Variants in RAB3GAP1 observed in about 807,000 individuals in gnomAD.
The protein encoded by RAB3GAP1 is RAB3 GTPase activating protein catalytic subunit 1, also known as rab3 GTPase-activating protein catalytic subunit.
A neutral mutation model predicts 130.7 loss-of-function variants in RAB3GAP1; 86 were observed. The observed-to-expected ratio is 0.66, with a 90% CI of 0.55 to 0.79. The LOEUF is 0.79. Ranked by LOEUF, RAB3GAP1 falls within the 30% of genes least tolerant of loss-of-function variation. The pLI is 0.00. For synonymous variants in RAB3GAP1, 367 were observed against 401.7 expected (o/e 0.91, Z 1.03); for missense variants, 1,029 against 1,169.4 (o/e 0.88, Z 1.75).
At chr2:135,061,754 T>C (rs1689176146) in intron 3 of RAB3GAP1, among the ~76,000 whole-genome samples, 1 of 152,172 alleles carries the variant, frequency 6.6e-6, no homozygotes, top group Non-Finnish European at 1.5e-5. Flanking sequence ...TTTTAATGCA[T>C]TTTTCTAGAG....
intron 7 of RAB3GAP1, among the ~76,000 whole-genome samples, chr2:135,119,662 A>G (rs1430781845): frequency 1.3e-5 from 2 of 152,170 alleles, no homozygotes; most frequent in East Asian, 1.9e-4. Context: ...GTGACTTCAA[A>G]TTGAGTTTGT....
chr2:135,067,698 C>T (rs1201260108), intron 3 of RAB3GAP1, among the ~76,000 whole-genome samples: 1 of 152,116 alleles, frequency 6.6e-6, no homozygotes, highest in Non-Finnish European at 1.5e-5. Context: ...TACTGTTAGT[C>T]ATTATTTATT....
intron 3 of RAB3GAP1, among the ~76,000 whole-genome samples, chr2:135,075,769 G>A (rs930148100): frequency 1.3e-5 from 2 of 151,548 alleles, no homozygotes; most frequent in African/African-American, 2.4e-5. Context: ...ACTAAAATTC[G>A]TGGGAGTCAT....
intron 17 of RAB3GAP1, among the ~76,000 whole-genome samples, chr2:135,145,985 T>A (rs181943252): frequency 6.6e-6 from 1 of 152,282 alleles, no homozygotes. Flanking sequence ...GAAACATGGA[T>A]TCTGTTAACT....
intron 3 of RAB3GAP1, 120 bp from the exon 4 acceptor site, chr2:135,090,878 C>T: frequency 1.3e-6 from 1 of 787,498 alleles, no homozygotes; most frequent in East Asian, 2.7e-5. Flanking sequence ...TTATGTTTTT[C>T]TTTGATTGTA....
intron 5 of RAB3GAP1, among the ~76,000 whole-genome samples, chr2:135,094,011 C>G (rs1690222204): frequency 1.3e-5 from 2 of 152,200 alleles, no homozygotes; most frequent in Non-Finnish European, 2.9e-5. Flanking sequence ...CTCAGCGCCC[C>G]AGGTTTTTAA....
downstream of RAB3GAP1, among the ~76,000 whole-genome samples, chr2:135,174,681 G>T (rs1692956358): frequency 6.6e-6 from 1 of 152,218 alleles, no homozygotes; most frequent in Non-Finnish European, 1.5e-5. Context: ...TTTTGCCCAT[G>T]TTACATAACG....
intron 19 of RAB3GAP1, among the ~76,000 whole-genome samples, chr2:135,160,783 GTA>G (rs1453735597): frequency 6.8e-6 from 1 of 147,104 alleles, no homozygotes; most frequent in Non-Finnish European, 1.5e-5. Context: ...TAAATTTATT[GTA>G]TATAATCAGA....
chr2:135,075,791 CTTT>C (rs886208357), intron 3 of RAB3GAP1, among the ~76,000 whole-genome samples: 1 of 151,368 alleles, frequency 6.6e-6, no homozygotes, highest in Admixed American at 6.6e-5. Context: ...GGATCAAAAA[CTTT>C]TTTATTTCAT....
chr2:135,131,618 G>A (rs1459608730), intron 13 of RAB3GAP1, among the ~76,000 whole-genome samples: 1 of 152,172 alleles, frequency 6.6e-6, no homozygotes, highest in Non-Finnish European at 1.5e-5. Context: ...GAGAGCTAAG[G>A]TGGCTCCTAG....
At chr2:135,090,061 G>A (rs767234356) in intron 3 of RAB3GAP1, among the ~76,000 whole-genome samples, 2 of 152,126 alleles carry the variant, frequency 1.3e-5, no homozygotes, top group Non-Finnish European at 2.9e-5. Context: ...TGTTCTGCAT[G>A]TGCATCCCAG....
At chr2:135,054,492 A>T (rs534578012) in intron 2 of RAB3GAP1, among the ~76,000 whole-genome samples, 1 of 152,366 alleles carries the variant, frequency 6.6e-6, no homozygotes, top group Non-Finnish European at 1.5e-5. Context: ...GAGAAGATTT[A>T]GGTAATAAAC....
intron 1 of RAB3GAP1, 37 bp from the exon 2 acceptor site, chr2:135,052,393 G>A (rs952505563): frequency 1.2e-6 from 2 of 1,613,956 alleles, no homozygotes; most frequent in Admixed American, 1.7e-5. Flanking sequence ...TTCGCCTTGG[G>A]GCTTAATTTC....
Position 135,153,792 on chromosome 2 carries a change from G to A in RAB3GAP1, c.2205G>A (p.Met735Ile). ...CCCGGATGAAGATTCCAAGCAATAT[G>A]TGGGTAGAAGCCTGGGAAACAGCTA... is the stretch of plus-strand genomic sequence containing the variant. ...LSARMKIPSNMWVEAWETAKP... is the reference protein window; with the variant it reads ...LSARMKIPSNIWVEAWETAKP... Residue 735 changes from methionine to isoleucine, a missense_variant, in exon 19 of 24, where the codon ATG (methionine) becomes ATA (isoleucine). Around this residue, in one of 3 missense-constraint regions of RAB3GAP1, gnomAD observed 373 missense variants for 493.6 expected, o/e 0.76. Coordinates refer to ENST00000264158, the MANE Select transcript of RAB3GAP1 (RefSeq NM_012233.3). 1.2e-6 allele frequency: 2 copies of A among 1,614,082 alleles called. No homozygotes were observed. Among genetic ancestry groups the A allele is most frequent in the East Asian group, 4.5e-5 (2 of 44,880 alleles).
intron 8 of RAB3GAP1, among the ~76,000 whole-genome samples, chr2:135,121,331 G>C (rs927315582): frequency 9.2e-5 from 14 of 152,250 alleles, no homozygotes; most frequent in African/African-American, 2.6e-4. Flanking sequence ...AAGAAAGGGG[G>C]CTAAACAAGG....
chr2:135,117,065 G>A (rs1023236593), intron 7 of RAB3GAP1, among the ~76,000 whole-genome samples: 7 of 151,680 alleles, frequency 4.6e-5, no homozygotes, highest in Non-Finnish European at 8.8e-5. Context: ...ATGCATTTAC[G>A]AGATTAGGAA....
chr2:135,162,971 CT>C lies in RAB3GAP1; in HGVS notation c.2491-11del. 6.2e-7 allele frequency: 1 copy of C among 1,606,100 alleles called. No homozygotes were observed. The highest frequency in any genetic ancestry group is 8.5e-7 in the Non-Finnish European group (1 of 1,172,798). On this transcript the variant is annotated splice_polypyrimidine_tract_variant and intron_variant, in intron 21 of 23. Transcript: ENST00000264158. ...GCCATCTCGCAATGTATGCCTCTTC[CT>C]TTTCTACCGCCAGGAAATCATTCAC...
intron 3 of RAB3GAP1, among the ~76,000 whole-genome samples, chr2:135,075,754 G>A (rs764462526): frequency 1.4e-4 from 21 of 151,304 alleles, no homozygotes; most frequent in Non-Finnish European, 2.7e-4. Flanking sequence ...ATTTGAGAGT[G>A]AGGAACTAAA....
chr2:135,081,532 A>G (rs1006229855), intron 3 of RAB3GAP1, among the ~76,000 whole-genome samples: 3 of 150,372 alleles, frequency 2.0e-5, no homozygotes, highest in Non-Finnish European at 4.4e-5. Context: ...GTCTTTTGGG[A>G]TTATTGTTTG....
Sources: allele counts gnomAD v4.1 joint callset (sites outside exome capture counted in the v4.1 genomes callset), GRCh38; gene constraint gnomAD v4.1.1; regional missense constraint gnomAD v4.1.1; transcripts MANE v1.5; gene names NCBI Gene and HGNC (gene_info 2026-07-23, HGNC 2026-07-21).